NBAS: variants seen among roughly 807,000 people sequenced by gnomAD.
NBAS encodes the protein NAG/BC035112 fusion.
Under a neutral mutation model 302.5 loss-of-function variants are expected in NBAS, and 219 were observed. The observed-to-expected ratio is 0.72, with a 90% CI of 0.65 to 0.81. NBAS has a LOEUF of 0.81. Among genes scored for constraint, NBAS ranks in the 30% least tolerant of loss-of-function variants. The pLI, the probability that NBAS is intolerant of heterozygous loss-of-function variation, is 0.00. For synonymous variants in NBAS, 1,118 were observed against 1,021.6 expected, an observed-to-expected ratio of 1.09 and a Z score of -1.80; for missense variants, 2,932 against 2,841.6, an observed-to-expected ratio of 1.03 and a Z score of -0.72.
At chr2:15,504,782 G>A (rs996695636) in intron 10 of NBAS, among the ~76,000 whole-genome samples, 8 of 152,104 alleles carry the variant, frequency 5.3e-5, no homozygotes, top group Non-Finnish European at 8.8e-5. Context: ...AAACCGTACA[G>A]CCACTGTGGA....
the NBAS span, among the ~76,000 whole-genome samples, chr2:14,867,319 G>C: frequency 6.6e-6 from 1 of 152,250 alleles, no homozygotes; most frequent in Admixed American, 6.5e-5. Context: ...TTGAGGGGTA[G>C]TAGATTGGTA....
At chr2:15,277,861 T>C (rs1381643691) in intron 42 of NBAS, among the ~76,000 whole-genome samples, 1 of 152,186 alleles carries the variant, frequency 6.6e-6, no homozygotes, top group Non-Finnish European at 1.5e-5. Flanking sequence ...CTTGTGCTTC[T>C]CCCTGGACAG....
At chr2:14,952,583 C>G in the NBAS span, among the ~76,000 whole-genome samples, 40 of 152,170 alleles carry the variant, frequency 2.6e-4, no homozygotes, top group African/African-American at 8.7e-4. Flanking sequence ...GAGGAGGGCA[C>G]GTTCATTCGG....
chr2:15,394,458 C>A, intron 27 of NBAS, 109 bp from the exon 28 acceptor site: 1 of 1,159,920 alleles, frequency 8.6e-7, no homozygotes, highest in South Asian at 1.4e-5. Context: ...AAAAAATTAT[C>A]CCATAGTGTA....
chr2:15,019,574 A>G, the NBAS span, among the ~76,000 whole-genome samples: 6 of 152,180 alleles, frequency 3.9e-5, no homozygotes, highest in Non-Finnish European at 8.8e-5. Context: ...GTGTCAGGCA[A>G]ATAATCAATA....
chr2:15,289,975 G>A (rs1024772326), intron 41 of NBAS, among the ~76,000 whole-genome samples: 3 of 151,590 alleles, frequency 2.0e-5, no homozygotes, highest in African/African-American at 4.9e-5. Context: ...CCAGCCTGGC[G>A]CCAGAGCGAG....
At chr2:14,911,981 TATACA>T in the NBAS span, among the ~76,000 whole-genome samples, 1 of 152,184 alleles carries the variant, frequency 6.6e-6, no homozygotes, top group Admixed American at 6.5e-5. Context: ...ATGTGAATAT[TATACA>T]GTGCACTTCA....
At chr2:14,822,382 C>A in the NBAS span, among the ~76,000 whole-genome samples, 7 of 152,104 alleles carry the variant, frequency 4.6e-5, no homozygotes, top group East Asian at 1.9e-4. Context: ...TACTGCAGAG[C>A]CAAAAGGAAG....
the NBAS span, among the ~76,000 whole-genome samples, chr2:14,969,367 A>T: frequency 4.0e-5 from 6 of 150,520 alleles, no homozygotes; most frequent in Admixed American, 3.3e-4. Flanking sequence ...ATAATATCTC[A>T]AAGTTATTAT....
At chr2:15,389,350 C>A (rs1675475463) in intron 28 of NBAS, among the ~76,000 whole-genome samples, 1 of 152,230 alleles carries the variant, frequency 6.6e-6, no homozygotes, top group Non-Finnish European at 1.5e-5. Flanking sequence ...ACAACTTACA[C>A]TCTAATCTTA....
At chr2:15,163,441 T>A (rs1663942663), downstream of NBAS, among the ~76,000 whole-genome samples, 1 of 152,206 alleles carries the variant, frequency 6.6e-6, no homozygotes, top group Non-Finnish European at 1.5e-5. Flanking sequence ...GTTAAGCAGC[T>A]CTTGGGGACC....
At chr2:14,926,101 G>T in the NBAS span, among the ~76,000 whole-genome samples, 1 of 152,014 alleles carries the variant, frequency 6.6e-6, no homozygotes, top group Non-Finnish European at 1.5e-5. Context: ...GAATCCTCCA[G>T]GATTGTTAAA....
the NBAS span, among the ~76,000 whole-genome samples, chr2:14,948,493 T>C: frequency 5.9e-5 from 9 of 151,952 alleles, no homozygotes; most frequent in African/African-American, 2.2e-4. Context: ...ACCAATCCCA[T>C]TTACAATAGC....
At chr2:15,538,241 G>A in intron 7 of NBAS, 1 of 254,334 alleles carries the variant, frequency 3.9e-6, no homozygotes. Context: ...TTACATTTGA[G>A]CACACATACA....
At chr2:15,282,791 G>A (rs1419484306) in intron 42 of NBAS, among the ~76,000 whole-genome samples, 1 of 152,166 alleles carries the variant, frequency 6.6e-6, no homozygotes, top group Non-Finnish European at 1.5e-5. Flanking sequence ...GACATGTCCT[G>A]TCCTCCATTT....
At chr2:14,977,092 C>T in the NBAS span, among the ~76,000 whole-genome samples, 1 of 152,156 alleles carries the variant, frequency 6.6e-6, no homozygotes, top group African/African-American at 2.4e-5. Flanking sequence ...CAAAATGAAG[C>T]TCAATCTTTA....
intron 35 of NBAS, among the ~76,000 whole-genome samples, chr2:15,347,405 AC>A (rs1673144976): frequency 6.6e-6 from 1 of 152,224 alleles, no homozygotes; most frequent in Non-Finnish European, 1.5e-5. Context: ...CCAAATGTCC[AC>A]CAACTGGTGA....
intron 10 of NBAS, among the ~76,000 whole-genome samples, chr2:15,510,140 G>A (rs1231286398): frequency 6.6e-6 from 1 of 152,154 alleles, no homozygotes; most frequent in Admixed American, 6.5e-5. Context: ...GAGCCACCAC[G>A]CCCGGCCCAA....
chr2:15,275,412 T>C, intron 44 of NBAS, 72 bp downstream of exon 44: 1 of 1,428,044 alleles, frequency 7.0e-7, no homozygotes, highest in Non-Finnish European at 9.5e-7. Flanking sequence ...AAAAATAAAA[T>C]CTACAGAATG....
Sources: allele counts gnomAD v4.1 joint callset (sites outside exome capture counted in the v4.1 genomes callset), GRCh38; gene constraint gnomAD v4.1.1; transcripts MANE v1.5; gene names NCBI Gene and HGNC (gene_info 2026-07-23, HGNC 2026-07-21).